The following SDK2 variants were observed in gnomAD, a reference collection of about 807,000 sequenced individuals.
The protein encoded by SDK2 is protein sidekick-2.
SDK2 carries 105 observed loss-of-function variants against 253.9 expected under a neutral mutation model. The observed-to-expected ratio is 0.41, with a 90% CI of 0.35 to 0.49. The LOEUF (loss-of-function observed/expected upper bound fraction) is 0.49. SDK2 is among the 20% of genes least tolerant of loss of function. SDK2 has a pLI of 0.06. For synonymous variants in SDK2, 1,249 were observed against 1,234.9 expected (o/e 1.01, Z -0.24); for missense variants, 2,608 against 3,003.0 (o/e 0.87, Z 3.07).
intron 1 of SDK2, among the ~76,000 whole-genome samples, chr17:73,590,255 A>G (rs181424839): frequency 6.6e-6 from 1 of 152,348 alleles, no homozygotes; most frequent in East Asian, 1.9e-4. Context: ...GGAATCTGTT[A>G]CTGTAATCCA....
At chr17:73,411,400 C>A (rs2047465) in intron 18 of SDK2, among the ~76,000 whole-genome samples, 5,294 of 152,252 alleles carry the variant, frequency 0.035, 204 homozygotes, top group East Asian at 0.15. Context: ...GGTGCAGGAA[C>A]CTTCGGGATG....
At chr17:73,602,078 C>T (rs1274641183) in intron 1 of SDK2, among the ~76,000 whole-genome samples, 1 of 152,248 alleles carries the variant, frequency 6.6e-6, no homozygotes, top group Non-Finnish European at 1.5e-5. Context: ...GTTTGTAGTG[C>T]TTCGTTGCGG....
At position 73,338,849 on chromosome 17, in the gene SDK2, G is replaced by A. The variant is rs201330590; in HGVS notation, c.6257C>T (p.Ser2086Leu). The A allele has an allele frequency of 1.2e-6, 2 of 1,614,014 alleles. No homozygotes were observed. The highest frequency in any genetic ancestry group is 1.7e-5 in the Admixed American group (1 of 60,014). The change falls in exon 45 of 45, where the codon TCG becomes TTG. Residue 2086 changes from serine (S) to leucine (L), a missense_variant. Around this residue, in one of 2 missense-constraint regions of SDK2, gnomAD observed 1,103 missense variants for 1,143.9 expected, o/e 0.96. Coordinates refer to ENST00000392650, the MANE Select transcript of SDK2 (RefSeq NM_001144952.2). The surrounding 1 kb of genome is among the most constrained non-coding windows in gnomAD (Gnocchi z 5.0). Reference sequence around the variant, plus strand: ...GATGCCCTTCTGCTGTCGCCGCCACGAGTTGTAGTATGTGGGGTCACTGAT... The same window carrying A: ...GATGCCCTTCTGCTGTCGCCGCCACAAGTTGTAGTATGTGGGGTCACTGAT... The part of the protein sequence containing the change: ...HYISDPTYYN[S>L]WRRQQKGISR...
chr17:73,462,611 C>T lies in SDK2; in HGVS notation c.332-6558G>A, dbSNP rs560685323. 3.3e-5 allele frequency among the ~76,000 whole-genome samples: 5 copies of T among 152,062 alleles called. No homozygotes were observed. In the South Asian group the frequency reaches 1.0e-3, roughly 32 times the overall value. ...GTGTATGCATGTTTACATATATGTGCCTGTATGGTGGGACAAAGGTATCTA... is the reference window on the plus strand; with the variant it reads ...GTGTATGCATGTTTACATATATGTGTCTGTATGGTGGGACAAAGGTATCTA... On this transcript the variant is annotated intron_variant, in intron 3 of 44. Transcript: ENST00000392650.
intron 1 of SDK2, among the ~76,000 whole-genome samples, chr17:73,633,575 C>T (rs1252255937): frequency 6.6e-6 from 1 of 152,210 alleles, no homozygotes; most frequent in African/African-American, 2.4e-5. Flanking sequence ...TTGTTATATT[C>T]TCTCTCTGAC....
At position 73,335,933 on chromosome 17, in the gene SDK2, A is replaced by G. The variant is rs1247963343; in HGVS notation, c.*2654T>C. On this transcript the variant is annotated 3_prime_UTR_variant, in exon 45 of 45. Transcript: ENST00000392650. ...CCCGCATGTACACGTAGGTGTCAGC[A>G]TGGGTGCGAATGAGCGTGTGGGGAG... 1 of 152,424 alleles carries G rather than the reference A, an allele frequency of 6.6e-6. No individual in the cohort carries two copies. Among genetic ancestry groups the G allele is most frequent in the East Asian group, 1.9e-4 (1 of 5,198 alleles). 9.4% of individuals were successfully genotyped at this position (152,424 alleles called of 1,614,324 possible).
chr17:73,422,251 C>A, intron 15 of SDK2, 36 bp downstream of exon 15: 1 of 1,606,226 alleles, frequency 6.2e-7, no homozygotes, highest in Non-Finnish European at 8.5e-7. Context: ...CTGTTGGAGT[C>A]CTGGCGACGC....
chr17:73,424,191 G>T, intron 12 of SDK2, 99 bp from the exon 13 acceptor site: 1 of 1,036,746 alleles, frequency 9.6e-7, no homozygotes, highest in Non-Finnish European at 1.4e-6. Flanking sequence ...TCCAAAGCTG[G>T]GCAGAGGACA....
At chr17:73,450,487 C>A (rs1599578115) in intron 4 of SDK2, among the ~76,000 whole-genome samples, 1 of 152,152 alleles carries the variant, frequency 6.6e-6, no homozygotes, top group East Asian at 1.9e-4. Context: ...CCAGCTCCCC[C>A]AGCCACGCCA....
chr17:73,608,433 G>A (rs576443101), intron 1 of SDK2, among the ~76,000 whole-genome samples: 2 of 152,190 alleles, frequency 1.3e-5, no homozygotes, highest in South Asian at 4.1e-4. Context: ...CCACTGCAAA[G>A]TTACTTTTAA....
intron 1 of SDK2, among the ~76,000 whole-genome samples, chr17:73,602,343 C>T (rs1351816536): frequency 2.0e-5 from 3 of 152,116 alleles, no homozygotes; most frequent in Non-Finnish European, 4.4e-5. Flanking sequence ...AGAGCAAGGA[C>T]GGGGAGCCTC....
At chr17:73,606,175 T>C (rs563935033) in intron 1 of SDK2, among the ~76,000 whole-genome samples, 1 of 152,308 alleles carries the variant, frequency 6.6e-6, no homozygotes, top group African/African-American at 2.4e-5. Context: ...GCTTCACATC[T>C]TGACTAGCAC....
intron 39 of SDK2, 107 bp from the exon 40 acceptor site, chr17:73,358,311 C>A (rs569151450): frequency 8.9e-5 from 124 of 1,395,294 alleles, no homozygotes; most frequent in Non-Finnish European, 1.2e-4. Flanking sequence ...CAACCCTGGA[C>A]AGAGAGCCGC....
intron 18 of SDK2, among the ~76,000 whole-genome samples, chr17:73,412,099 TATGTATAC>T (rs777227657): frequency 0.24 from 24,274 of 99,554 alleles, 2,932 homozygotes; most frequent in African/African-American, 0.32. Flanking sequence ...TATACGTATA[TATGTATAC>T]GTATATATGT....
intron 3 of SDK2, 43 bp from the exon 4 acceptor site, chr17:73,456,096 A>G: frequency 2.8e-6 from 4 of 1,438,198 alleles, no homozygotes; most frequent in South Asian, 2.9e-5. Flanking sequence ...GCGGGAGGTC[A>G]GCCTCAGGGA....
chr17:73,451,063 T>C (rs1290249645), intron 4 of SDK2, among the ~76,000 whole-genome samples: 2 of 152,214 alleles, frequency 1.3e-5, no homozygotes, highest in African/African-American at 4.8e-5. Context: ...TAGTGGGATA[T>C]GGAGGAAGGG....
At chr17:73,372,416 C>T (rs1568369999) in intron 36 of SDK2, among the ~76,000 whole-genome samples, 2 of 152,208 alleles carry the variant, frequency 1.3e-5, no homozygotes, top group African/African-American at 4.8e-5. Context: ...ATGGCTGGCA[C>T]ATCCATGGTC....
chr17:73,396,139 A>G (rs913263592), intron 24 of SDK2, among the ~76,000 whole-genome samples: 6 of 152,264 alleles, frequency 3.9e-5, no homozygotes, highest in Middle Eastern at 3.4e-3. Context: ...TCGGCCTCCC[A>G]AAGTGCTGGG....
At chr17:73,448,032 C>T (rs2063466210) in intron 4 of SDK2, among the ~76,000 whole-genome samples, 1 of 152,142 alleles carries the variant, frequency 6.6e-6, no homozygotes, top group South Asian at 2.1e-4. Context: ...CTGGCCCCTA[C>T]CCCAAGACTG....
Sources: allele counts gnomAD v4.1 joint callset (sites outside exome capture counted in the v4.1 genomes callset), GRCh38; gene constraint gnomAD v4.1.1; regional missense constraint gnomAD v4.1.1; non-coding constraint Gnocchi (gnomAD v3.1); transcripts MANE v1.5; gene names NCBI Gene and HGNC (gene_info 2026-07-23, HGNC 2026-07-21).